DIAPH2: variants seen among roughly 807,000 people sequenced by gnomAD.
DIAPH2 encodes diaphanous related formin 2, also known as protein diaphanous homolog 2.
A neutral mutation model predicts 92.7 loss-of-function variants in DIAPH2; 35 were observed. That is an observed-to-expected ratio of 0.38 (90% CI 0.29 to 0.50). The LOEUF (loss-of-function observed/expected upper bound fraction) is 0.50, where lower values mean the gene tolerates loss of function less well. DIAPH2 is among the 20% of genes least tolerant of loss of function. The pLI, the probability that DIAPH2 is intolerant of heterozygous loss-of-function variation, is 0.94. For synonymous variants in DIAPH2, 301 were observed against 280.4 expected (o/e 1.07, Z -0.73); for missense variants, 701 against 819.5 (o/e 0.86, Z 1.77).
chrX:97,185,707 C>T (rs894103238), intron 22 of DIAPH2, among the ~76,000 whole-genome samples: 1 of 104,327 alleles, frequency 9.6e-6, no homozygotes. Flanking sequence ...CTTTGTTAAC[C>T]ATTTCTTGAT....
chrX:96,960,383 C>T (rs1333377849), intron 16 of DIAPH2, among the ~76,000 whole-genome samples: 4 of 109,874 alleles, frequency 3.6e-5, no homozygotes, highest in African/African-American at 9.9e-5. Flanking sequence ...AATGAGATTG[C>T]CTTTTTATTT....
intron 4 of DIAPH2, among the ~76,000 whole-genome samples, chrX:96,852,268 T>A (rs761961323): frequency 3.6e-5 from 4 of 111,816 alleles, no homozygotes; most frequent in Non-Finnish European, 5.6e-5. Flanking sequence ...TAGGAAATGG[T>A]TCCTGTGTTT....
chrX:97,465,776 A>G (rs1335525390), intron 26 of DIAPH2, among the ~76,000 whole-genome samples: 2 of 111,156 alleles, frequency 1.8e-5, no homozygotes, highest in African/African-American at 6.6e-5. Context: ...GCAACCTCCA[A>G]CTCCTGGGTT....
chrX:97,275,147 G>T (rs957243283), intron 23 of DIAPH2, among the ~76,000 whole-genome samples: 6 of 112,312 alleles, frequency 5.3e-5, no homozygotes, highest in Non-Finnish European at 1.1e-4. Context: ...TTCTCAATGA[G>T]CTGCTGGGTA....
intron 17 of DIAPH2, among the ~76,000 whole-genome samples, chrX:97,060,222 T>C (rs2066587841): frequency 8.9e-6 from 1 of 112,379 alleles, no homozygotes; most frequent in Admixed American, 9.4e-5. Context: ...CTGAAGTGGC[T>C]GGGGTGAAGT....
chrX:96,743,996 ATATAT>A (rs1194599852), intron 3 of DIAPH2, among the ~76,000 whole-genome samples: 1 of 111,979 alleles, frequency 8.9e-6, no homozygotes, highest in Non-Finnish European at 1.9e-5. Context: ...ATAAATGGAC[ATATAT>A]TATTTTTAAA....
At chrX:97,012,770 A>G (rs2066235912) in intron 17 of DIAPH2, among the ~76,000 whole-genome samples, 2 of 112,312 alleles carry the variant, frequency 1.8e-5, no homozygotes, top group South Asian at 7.4e-4. Context: ...GTGTGGGATT[A>G]TAGAAAATTT....
At chrX:97,178,250 A>G (rs2067509146) in intron 22 of DIAPH2, among the ~76,000 whole-genome samples, 1 of 110,206 alleles carries the variant, frequency 9.1e-6, no homozygotes, top group African/African-American at 3.3e-5. Flanking sequence ...AAAAAAATCT[A>G]GATACATTTG....
In DIAPH2 at chrX:97,141,684, C is replaced by A. The variant is rs371649759; in HGVS notation, c.2609C>A (p.Ala870Glu). Residue 870 changes from alanine to glutamate, a missense_variant, in exon 22 of 27, where the codon GCG (alanine) becomes GAG (glutamate). Physicochemically the swap from Ala to Glu is moderately radical, Grantham distance 107. Transcript: ENST00000324765. Reference protein sequence around the residue: ...FLCKIRDTKSADQKTTLLHFI... With the variant: ...FLCKIRDTKSEDQKTTLLHFI... ...TCCCAGATCAGAGATACTAAATCAG[C>A]GGATCAAAAAACAACCCTTTTGCAT... The A allele has an allele frequency of 4.2e-6, 5 of 1,196,966 alleles. No homozygotes were observed. The Admixed American group carries it at 1.2e-4, about 28-fold the overall frequency.
intron 26 of DIAPH2, among the ~76,000 whole-genome samples, chrX:97,473,627 G>T (rs2070581399): frequency 8.9e-6 from 1 of 111,932 alleles, no homozygotes; most frequent in South Asian, 3.7e-4. Context: ...GAGCCACCAC[G>T]CCCAGCAAGA....
intron 5 of DIAPH2, among the ~76,000 whole-genome samples, chrX:96,900,264 G>T (rs963776441): frequency 9.0e-6 from 1 of 111,216 alleles, no homozygotes; most frequent in African/African-American, 3.3e-5. Flanking sequence ...TGTAAAGAGG[G>T]TCGAGTTCTT....
At chrX:96,724,678 G>A (rs953649835) in intron 1 of DIAPH2, among the ~76,000 whole-genome samples, 7 of 111,851 alleles carry the variant, frequency 6.3e-5, no homozygotes, top group Admixed American at 1.9e-4. Flanking sequence ...TATGCAAACC[G>A]TGATCTATAT....
chrX:97,277,940 G>A (rs2068464934), intron 23 of DIAPH2, among the ~76,000 whole-genome samples: 1 of 112,017 alleles, frequency 8.9e-6, no homozygotes. Flanking sequence ...CTGAGTCCCT[G>A]GTTCAAGCGA....
chrX:97,131,214 T>G (rs1488691587), intron 21 of DIAPH2, among the ~76,000 whole-genome samples: 1 of 111,776 alleles, frequency 8.9e-6, no homozygotes, highest in Non-Finnish European at 1.9e-5. Context: ...TTGAAAATGT[T>G]CGATGAGATA....
intron 26 of DIAPH2, among the ~76,000 whole-genome samples, chrX:97,497,083 G>A (rs1435098285): frequency 9.0e-6 from 1 of 110,589 alleles, no homozygotes; most frequent in Admixed American, 9.7e-5. Flanking sequence ...CAGATAAGTG[G>A]AAATATTGTT....
At chrX:96,864,380 A>G (rs1329491253) in intron 4 of DIAPH2, among the ~76,000 whole-genome samples, 1 of 108,710 alleles carries the variant, frequency 9.2e-6, no homozygotes, top group Non-Finnish European at 1.9e-5. Flanking sequence ...AAGAATATCC[A>G]TCTTACCCCA....
chrX:96,806,645 T>TAAAAAAAAAAA (rs1183469031), intron 4 of DIAPH2, among the ~76,000 whole-genome samples: 1 of 18,549 alleles, frequency 5.4e-5, no homozygotes, highest in East Asian at 3.2e-3. Flanking sequence ...AAACTCCATC[T>TAAAAAAAAAAA]CAAAAAAAAA....
At chrX:97,211,363 G>GA (rs1368187033) in intron 22 of DIAPH2, among the ~76,000 whole-genome samples, 27 of 106,171 alleles carry the variant, frequency 2.5e-4, no homozygotes, top group Admixed American at 4.0e-4. Context: ...GTCAAAACAA[G>GA]AAAAAAAAAA....
intron 4 of DIAPH2, among the ~76,000 whole-genome samples, chrX:96,848,878 A>G (rs753112813): frequency 8.9e-6 from 1 of 112,059 alleles, no homozygotes; most frequent in Non-Finnish European, 1.9e-5. Context: ...AGATATTCTT[A>G]AGTGATAAAT....
Sources: gnomAD v4.1 joint callset for allele counts (sites outside exome capture counted in the v4.1 genomes callset) on GRCh38, gnomAD v4.1.1 for gene constraint, MANE v1.5 for transcripts, NCBI Gene and HGNC (gene_info 2026-07-23, HGNC 2026-07-21) for gene names.